The following LRP1B variants were observed in gnomAD, a reference collection of about 807,000 sequenced individuals.
The protein encoded by LRP1B is low-density lipoprotein receptor-related protein 1B.
LRP1B carries 217 observed loss-of-function variants against 556.6 expected under a neutral mutation model. The ratio of observed to expected loss-of-function variants is 0.39; its 90% CI spans 0.35 to 0.44. LRP1B has a LOEUF of 0.44. LRP1B is among the 20% of genes least tolerant of loss of function. The pLI is 1.00. For synonymous variants in LRP1B, 2,047 were observed against 1,865.8 expected, an observed-to-expected ratio of 1.10 and a Z score of -2.50; for missense variants, 5,053 against 5,620.8, an observed-to-expected ratio of 0.90 and a Z score of 3.23.
intron 2 of LRP1B, among the ~76,000 whole-genome samples, chr2:141,635,049 C>CACACACACAG (rs952303344): frequency 6.6e-5 from 10 of 151,378 alleles, no homozygotes; most frequent in African/African-American, 2.4e-4. Context: ...TATAGTGAAA[C>CACACACACAG]ACACACACAC....
At chr2:140,250,860 A>G (rs1681380706) in intron 86 of LRP1B, among the ~76,000 whole-genome samples, 1 of 151,852 alleles carries the variant, frequency 6.6e-6, no homozygotes, top group African/African-American at 2.4e-5. Flanking sequence ...TTCTTATAAC[A>G]AATATCATTC....
intron 1 of LRP1B, among the ~76,000 whole-genome samples, chr2:141,929,923 A>C (rs1700444478): frequency 6.6e-6 from 1 of 150,626 alleles, no homozygotes; most frequent in African/African-American, 2.4e-5. Flanking sequence ...AAAAAAAAAA[A>C]AAAAAAAAAA....
chr2:140,843,547 C>T (rs1215708501), intron 29 of LRP1B, among the ~76,000 whole-genome samples: 1 of 152,164 alleles, frequency 6.6e-6, no homozygotes, highest in Non-Finnish European at 1.5e-5. Context: ...AAATACTTTA[C>T]ACTTTAACCA....
Position 141,080,301 on chromosome 2 carries a change from G to C in LRP1B, c.1014-18028C>G, listed in dbSNP as rs959914212. 3.3e-5 allele frequency among the ~76,000 whole-genome samples: 5 copies of C among 152,266 alleles called. No individual in the cohort carries two copies. The South Asian group carries it at 8.3e-4, about 25-fold the overall frequency. On this transcript the variant is annotated intron_variant, in intron 7 of 90. Coordinates refer to ENST00000389484, the MANE Select transcript of LRP1B (RefSeq NM_018557.3). ...TTTCTCTGAAATTCCAAGTTCTGCT[G>C]TCTGGTATTCCTAACTTTATGTAGT... is the stretch of plus-strand genomic sequence containing the variant.
intron 9 of LRP1B, among the ~76,000 whole-genome samples, chr2:141,058,081 T>A (rs1321479162): frequency 2.0e-5 from 3 of 151,906 alleles, no homozygotes. Flanking sequence ...ATTCACAGTA[T>A]ACATAGAATA....
At chr2:141,042,697 G>T (rs1008954198) in intron 11 of LRP1B, among the ~76,000 whole-genome samples, 1 of 152,006 alleles carries the variant, frequency 6.6e-6, no homozygotes, top group African/African-American at 2.4e-5. Context: ...GGATTGTATG[G>T]GACAATGAAC....
At chr2:140,923,271 AG>A in intron 20 of LRP1B, 124 bp from the exon 21 acceptor site, 1 of 653,456 alleles carries the variant, frequency 1.5e-6, no homozygotes, top group Non-Finnish European at 2.6e-6. Flanking sequence ...ATAATGCTAG[AG>A]AGAATACATT....
At chr2:141,458,740 C>T (rs1277754378) in intron 3 of LRP1B, among the ~76,000 whole-genome samples, 1 of 152,026 alleles carries the variant, frequency 6.6e-6, no homozygotes, top group East Asian at 1.9e-4. Flanking sequence ...AACATTCAGA[C>T]ACACTAAGCT....
At chr2:140,307,051 C>T (rs1373305542) in intron 83 of LRP1B, among the ~76,000 whole-genome samples, 1 of 151,834 alleles carries the variant, frequency 6.6e-6, no homozygotes, top group African/African-American at 2.4e-5. Flanking sequence ...TCACATGTCC[C>T]TTACATAGCA....
chr2:140,699,315 T>C (rs910723780), intron 41 of LRP1B, among the ~76,000 whole-genome samples: 2 of 152,064 alleles, frequency 1.3e-5, no homozygotes, highest in Non-Finnish European at 2.9e-5. Flanking sequence ...AGCAGTTAGC[T>C]GAATAATATA....
chr2:140,899,816 A>G (rs910108163), intron 23 of LRP1B, among the ~76,000 whole-genome samples: 3 of 152,216 alleles, frequency 2.0e-5, no homozygotes, highest in Non-Finnish European at 2.9e-5. Flanking sequence ...AAAACTGTGT[A>G]TGCAACACTT....
Position 140,841,061 on chromosome 2 carries a change from A to G in LRP1B, c.4971T>C (p.Asp1657=), listed in dbSNP as rs1403072299. 1 of 1,612,342 alleles carries G rather than the reference A, an allele frequency of 6.2e-7. No homozygotes were observed. The part of the protein sequence containing the change: ...DIQSIRGLAV[D]WVSRNLYWIS... The stretch of plus-strand genomic sequence containing the variant: ...TCCAGTATAAATTACGTGACACCCA[A>G]TCCACTGCTAGCCCTCTGATACTCT... The change falls in exon 30 of 91, where the codon GAT becomes GAC. Residue 1657 remains aspartate, a synonymous_variant. Transcript: ENST00000389484.
At chr2:140,537,981 T>C (rs1021074739) in intron 45 of LRP1B, among the ~76,000 whole-genome samples, 17 of 152,224 alleles carry the variant, frequency 1.1e-4, no homozygotes, top group African/African-American at 3.9e-4. Flanking sequence ...TGCTGAATAA[T>C]TGTACGTTTA....
At chr2:141,510,969 A>G (rs1183743574) in intron 2 of LRP1B, among the ~76,000 whole-genome samples, 2 of 151,838 alleles carry the variant, frequency 1.3e-5, no homozygotes, top group Non-Finnish European at 2.9e-5. Context: ...TAAGATAGAG[A>G]GTGGAGAATA....
intron 3 of LRP1B, among the ~76,000 whole-genome samples, chr2:141,409,647 T>A (rs1337538875): frequency 6.6e-6 from 1 of 152,036 alleles, no homozygotes; most frequent in African/African-American, 2.4e-5. Context: ...AGAAAGACAA[T>A]GTTCCTACTG....
chr2:140,683,757 C>A, intron 41 of LRP1B: 1 of 963,088 alleles, frequency 1.0e-6, no homozygotes, highest in South Asian at 1.3e-5. Flanking sequence ...CCTTCTCAGT[C>A]TCTCTCTCCT....
intron 1 of LRP1B, among the ~76,000 whole-genome samples, chr2:142,049,677 T>C (rs1437808401): frequency 6.6e-6 from 1 of 152,122 alleles, no homozygotes; most frequent in African/African-American, 2.4e-5. Flanking sequence ...TCCACTGCTC[T>C]GAAGAAGCTC....
intron 41 of LRP1B, among the ~76,000 whole-genome samples, chr2:140,653,096 G>A (rs1684747824): frequency 6.6e-6 from 1 of 151,980 alleles, no homozygotes; most frequent in Admixed American, 6.6e-5. Context: ...AAAGGATGTA[G>A]GAAACATTTA....
At chr2:140,323,608 A>ATAAAATAAAAGAATTTTAG (rs1451834502) in intron 81 of LRP1B, among the ~76,000 whole-genome samples, 1 of 151,448 alleles carries the variant, frequency 6.6e-6, no homozygotes, top group Non-Finnish European at 1.5e-5. Flanking sequence ...TATAATAATA[A>ATAAAATAAAAGAATTTTAG]TAAAATAAAA....
Sources: gnomAD v4.1 joint callset for allele counts (sites outside exome capture counted in the v4.1 genomes callset) on GRCh38, gnomAD v4.1.1 for gene constraint, MANE v1.5 for transcripts, NCBI Gene and HGNC (gene_info 2026-07-23, HGNC 2026-07-21) for gene names.